The following REEP5 variants were observed in gnomAD, a reference collection of about 807,000 sequenced individuals.
REEP5 encodes the protein receptor expression-enhancing protein 5.
Under a neutral mutation model 22.4 loss-of-function variants are expected in REEP5, and 24 were observed. That is an observed-to-expected ratio of 1.07 (90% CI 0.78 to 1.51). The LOEUF is 1.51. Ranked by LOEUF, REEP5 falls within the 40% of genes most tolerant of loss-of-function variation. The probability of loss-of-function intolerance (pLI) is 0.00; values close to 1 mark genes in which losing one functional copy is unlikely to be tolerated. For synonymous variants in REEP5, 103 were observed against 88.6 expected, an observed-to-expected ratio of 1.16 and a Z score of -0.92; for missense variants, 252 against 233.0, an observed-to-expected ratio of 1.08 and a Z score of -0.53.
chr5:112,902,862 G>C (rs1311091411), intron 2 of REEP5, among the ~76,000 whole-genome samples: 1 of 152,164 alleles, frequency 6.6e-6, no homozygotes, highest in African/African-American at 2.4e-5. Flanking sequence ...GTCCTGCCAC[G>C]AGGGATATAT....
Position 112,887,048 on chromosome 5 carries a change from C to G in REEP5, c.487G>C (p.Ala163Pro). The change falls in exon 4 of 5, where the codon GCC becomes CCC. Residue 163 changes from alanine (A) to proline (P), a missense_variant. Transcript: ENST00000379638. ...DSVVKDLKDKAKETADAITKE... is the reference protein window; with the variant it reads ...DSVVKDLKDKPKETADAITKE... Reference sequence around the variant, plus strand: ...GTGATGGCATCTGCAGTCTCTTTGGCCTTGTCTTTAAGGTCCTTGACCACA... The same window carrying G: ...GTGATGGCATCTGCAGTCTCTTTGGGCTTGTCTTTAAGGTCCTTGACCACA... The G allele has an allele frequency of 6.2e-7, 1 of 1,612,578 alleles. No individual in the cohort carries two copies.
chr5:112,894,737 ATACT>A (rs1768626168), intron 3 of REEP5: 1 of 152,232 alleles, frequency 6.6e-6, no homozygotes, highest in African/African-American at 2.4e-5. Context: ...TATTTTATTA[ATACT>A]TAGTGAATTC....
At chr5:112,879,022 T>TA (rs1767984194) in intron 4 of REEP5, among the ~76,000 whole-genome samples, 187 bp from the exon 5 acceptor site, 1 of 152,022 alleles carries the variant, frequency 6.6e-6, no homozygotes, top group South Asian at 2.1e-4. Context: ...AGGTACCTCT[T>TA]AGAGCACAAA....
At chr5:112,893,736 T>G (rs145730803) in intron 3 of REEP5, 1 of 152,418 alleles carries the variant, frequency 6.6e-6, no homozygotes, top group Non-Finnish European at 1.5e-5. Flanking sequence ...ATCAGCCTTC[T>G]GCACACACAC....
rs537595041 is a variant in REEP5 at position 112,881,312 on chromosome 5, G to T, written c.521-2477C>A. ...ATACCACTTCTGGGGCATCAGTGCT[G>T]CTGGAGAACTGTCTTGGGATTTTAC... On this transcript the variant is annotated intron_variant, in intron 4 of 4. Coordinates refer to ENST00000379638, the MANE Select transcript of REEP5 (RefSeq NM_005669.5). Among the ~76,000 whole-genome samples, 7 of 152,190 alleles carry T rather than the reference G, an allele frequency of 4.6e-5. No individual in the cohort carries two copies. In the South Asian group the frequency reaches 1.5e-3, roughly 32 times the overall value.
At chr5:112,918,256 G>A (rs547910727) in intron 2 of REEP5, among the ~76,000 whole-genome samples, 1 of 152,286 alleles carries the variant, frequency 6.6e-6, no homozygotes, top group African/African-American at 2.4e-5. Flanking sequence ...CAACCAGTAG[G>A]AAGAGGGGTA....
At chr5:112,916,131 T>C (rs1191013634) in intron 2 of REEP5, among the ~76,000 whole-genome samples, 1 of 152,250 alleles carries the variant, frequency 6.6e-6, no homozygotes, top group Non-Finnish European at 1.5e-5. Flanking sequence ...ACTGCAACTC[T>C]TTTTAACTTG....
intron 4 of REEP5, among the ~76,000 whole-genome samples, chr5:112,883,106 G>A (rs192117605): frequency 1.3e-4 from 20 of 152,274 alleles, no homozygotes; most frequent in African/African-American, 4.8e-4. Flanking sequence ...TTTTCAAACA[G>A]GCTTTGTTTC....
At chr5:112,913,692 G>A (rs1357054027) in intron 2 of REEP5, among the ~76,000 whole-genome samples, 1 of 151,944 alleles carries the variant, frequency 6.6e-6, no homozygotes, top group Non-Finnish European at 1.5e-5. Context: ...GTTTTTAAAT[G>A]CAAAATGGAA....
At chr5:112,889,456 TA>T (rs1367618524) in intron 3 of REEP5, among the ~76,000 whole-genome samples, 2 of 150,948 alleles carry the variant, frequency 1.3e-5, no homozygotes, top group African/African-American at 4.9e-5. Flanking sequence ...AATAGGATGA[TA>T]AAGAAGGAAA....
chr5:112,921,358 C>A lies in REEP5; in HGVS notation c.119-102G>T, dbSNP rs2150050045. 3 of 1,071,688 alleles carry A rather than the reference C, an allele frequency of 2.8e-6. No individual in the cohort carries two copies. The East Asian group carries it at 7.4e-5, about 26-fold the overall frequency. 66.4% of individuals were successfully genotyped at this position (1,071,688 alleles called of 1,614,324 possible). A position where few individuals can be genotyped will look rare whatever the true frequency, so the allele number is the denominator to read the frequency against. ...AGGCTGGGCCTGTTGTAGGAGTTTT[C>A]CTCTCGACTCGATTAAAGGAGCGAG... On this transcript the variant is annotated intron_variant, in intron 1 of 4. Transcript: ENST00000379638.
chr5:112,894,667 C>A (rs1359996226), intron 3 of REEP5: 1 of 152,170 alleles, frequency 6.6e-6, no homozygotes, highest in Admixed American at 6.5e-5. Flanking sequence ...TGGAGAGCAG[C>A]AAGTGTTTTT....
chr5:112,894,168 C>A (rs575350787), intron 3 of REEP5: 2 of 148,248 alleles, frequency 1.3e-5, no homozygotes, highest in Admixed American at 1.4e-4. Flanking sequence ...TGTTGCCAGG[C>A]GGGAGTGCAG....
intron 4 of REEP5, chr5:112,885,725 AG>A (rs1768223134): frequency 3.3e-6 from 1 of 300,474 alleles, no homozygotes; most frequent in African/African-American, 2.3e-5. Context: ...TTATCAGCCA[AG>A]CTTGAAGCTA....
At chr5:112,905,186 G>T (rs371948998) in intron 2 of REEP5, among the ~76,000 whole-genome samples, 3 of 152,244 alleles carry the variant, frequency 2.0e-5, no homozygotes, top group East Asian at 3.9e-4. Context: ...ACTCAGGAAC[G>T]TGAGGTTCAA....
chr5:112,901,734 G>A (rs1278915886), intron 3 of REEP5, among the ~76,000 whole-genome samples: 1 of 149,974 alleles, frequency 6.7e-6, no homozygotes, highest in Non-Finnish European at 1.5e-5. Context: ...AAGGAGGTCA[G>A]ATTGAGAAAT....
chr5:112,893,031 G>C (rs539295887), intron 3 of REEP5: 4 of 1,504,090 alleles, frequency 2.7e-6, no homozygotes, highest in Non-Finnish European at 3.7e-6. Flanking sequence ...GTGGGAGGAG[G>C]AAGTCGGGTA....
rs1404838986 is a variant in REEP5 at position 112,876,656 on chromosome 5, G to A, written c.*2130C>T. 8 of 152,064 alleles carry A rather than the reference G, an allele frequency of 5.3e-5. No homozygotes were observed. The highest frequency in any genetic ancestry group is 1.0e-4 in the Non-Finnish European group (7 of 68,010). The allele number at this position is 152,064 out of a possible 1,614,324, so 9.4% of individuals were successfully genotyped here. On this transcript the variant is annotated 3_prime_UTR_variant, in exon 5 of 5. Transcript: ENST00000379638. ...AAACACTATTCACATTCAAATAAAC[G>A]CTTGTTTTCTAGCCAGGCACAGGCT... is the stretch of plus-strand genomic sequence containing the variant.
intron 2 of REEP5, among the ~76,000 whole-genome samples, chr5:112,907,638 G>T (rs987186559): frequency 6.6e-6 from 1 of 152,190 alleles, no homozygotes; most frequent in Non-Finnish European, 1.5e-5. Context: ...ACATCTCAGA[G>T]ATGAACTAGT....
Sources: gnomAD v4.1 joint callset for allele counts (sites outside exome capture counted in the v4.1 genomes callset) on GRCh38, gnomAD v4.1.1 for gene constraint, MANE v1.5 for transcripts, NCBI Gene and HGNC (gene_info 2026-07-23, HGNC 2026-07-21) for gene names.